EPHA6: variants seen among roughly 807,000 people sequenced by gnomAD.
EPHA6 encodes the protein EPH receptor A6, also known as ephrin type-A receptor 6.
In EPHA6, 50 loss-of-function variants were observed where a neutral mutation model predicts 112.0. That is an observed-to-expected ratio of 0.45 (90% CI 0.36 to 0.56). EPHA6 has a LOEUF of 0.56. Ranked by LOEUF, EPHA6 falls within the 20% of genes least tolerant of loss-of-function variation. The pLI is 0.00. For synonymous variants in EPHA6, 529 were observed against 490.7 expected (o/e 1.08, Z -1.03); for missense variants, 1,280 against 1,417.4 (o/e 0.90, Z 1.56).
At chr3:97,552,739 AT>A (rs1329094399) in intron 11 of EPHA6, among the ~76,000 whole-genome samples, 1 of 152,198 alleles carries the variant, frequency 6.6e-6, no homozygotes, top group Non-Finnish European at 1.5e-5. Flanking sequence ...TAATTTCCAA[AT>A]TTTGTCCATA....
chr3:97,173,703 A>G (rs2076758294), intron 3 of EPHA6, among the ~76,000 whole-genome samples: 1 of 151,814 alleles, frequency 6.6e-6, no homozygotes. Context: ...TTTAGTGTAT[A>G]GATTTATAAT....
At chr3:97,179,729 C>CTA (rs2076935271) in intron 3 of EPHA6, among the ~76,000 whole-genome samples, 3 of 149,250 alleles carry the variant, frequency 2.0e-5, no homozygotes, top group South Asian at 4.3e-4. Context: ...CTCTCTCTCT[C>CTA]TCTCTCTCTC....
intron 10 of EPHA6, among the ~76,000 whole-genome samples, chr3:97,495,604 T>C (rs776671266): frequency 1.2e-4 from 18 of 152,244 alleles, no homozygotes; most frequent in Non-Finnish European, 1.5e-4. Context: ...GTCCATGTCT[T>C]TTTCCATCTC....
At chr3:97,455,070 T>G (rs2107350921) in intron 7 of EPHA6, among the ~76,000 whole-genome samples, 1 of 152,096 alleles carries the variant, frequency 6.6e-6, no homozygotes, top group Non-Finnish European at 1.5e-5. Context: ...GCAGTTAGGT[T>G]GTCTGAATAT....
intron 2 of EPHA6, among the ~76,000 whole-genome samples, chr3:96,921,769 T>C (rs2039777703): frequency 6.6e-6 from 1 of 152,048 alleles, no homozygotes. Flanking sequence ...GGTTTCACCA[T>C]GTTGGCCAGG....
At chr3:96,882,349 T>C (rs954405264) in intron 2 of EPHA6, among the ~76,000 whole-genome samples, 4 of 152,212 alleles carry the variant, frequency 2.6e-5, no homozygotes, top group African/African-American at 7.2e-5. Context: ...AATTCTGTTT[T>C]TTATTTTATT....
At chr3:97,337,739 T>C (rs1351885443) in intron 5 of EPHA6, among the ~76,000 whole-genome samples, 2 of 152,180 alleles carry the variant, frequency 1.3e-5, no homozygotes, top group Non-Finnish European at 2.9e-5. Context: ...TATCCTCTAA[T>C]AGGGTGAGAG....
intron 2 of EPHA6, among the ~76,000 whole-genome samples, chr3:96,924,461 A>G (rs1305648518): frequency 6.6e-6 from 1 of 152,054 alleles, no homozygotes; most frequent in African/African-American, 2.4e-5. Context: ...TTGTTGGTGT[A>G]TAGGAATGCT....
intron 1 of EPHA6, among the ~76,000 whole-genome samples, chr3:96,866,394 A>ATT (rs898234489): frequency 5.3e-5 from 8 of 152,130 alleles, no homozygotes; most frequent in African/African-American, 1.9e-4. Flanking sequence ...TACTTGGCTG[A>ATT]TAATATATAA....
chr3:97,028,778 CTT>C (rs1463073813), intron 3 of EPHA6, among the ~76,000 whole-genome samples: 1 of 151,798 alleles, frequency 6.6e-6, no homozygotes, highest in Non-Finnish European at 1.5e-5. Context: ...ATTAATACAA[CTT>C]ATTAATAAAA....
At chr3:97,074,190 A>AT (rs1303425644) in intron 3 of EPHA6, among the ~76,000 whole-genome samples, 4 of 151,804 alleles carry the variant, frequency 2.6e-5, no homozygotes, top group African/African-American at 9.7e-5. Context: ...AAATTGTTTC[A>AT]TTTTTTAGTC....
intron 3 of EPHA6, among the ~76,000 whole-genome samples, chr3:97,047,175 T>A (rs2045535503): frequency 6.6e-6 from 1 of 152,026 alleles, no homozygotes. Context: ...CTAAACATAT[T>A]GATTTATTTA....
chr3:97,413,337 C>A (rs1283392759), intron 6 of EPHA6, among the ~76,000 whole-genome samples: 1 of 151,666 alleles, frequency 6.6e-6, no homozygotes, highest in African/African-American at 2.4e-5. Context: ...CATCTGTGAC[C>A]TGAGTTTTTT....
intron 1 of EPHA6, among the ~76,000 whole-genome samples, chr3:96,835,262 C>T (rs2034336832): frequency 6.6e-6 from 1 of 151,976 alleles, no homozygotes; most frequent in Admixed American, 6.6e-5. Context: ...TACAAAGAGA[C>T]AGTTGAATGT....
intron 3 of EPHA6, among the ~76,000 whole-genome samples, chr3:97,027,840 A>G (rs1446279946): frequency 6.6e-6 from 1 of 152,168 alleles, no homozygotes; most frequent in African/African-American, 2.4e-5. Context: ...AAATTATCTT[A>G]CTGATGACCT....
intron 2 of EPHA6, among the ~76,000 whole-genome samples, chr3:96,907,915 A>G (rs1196256573): frequency 2.0e-5 from 3 of 151,930 alleles, no homozygotes; most frequent in East Asian, 1.9e-4. Flanking sequence ...GTGACGGGAT[A>G]TGTTTTGAGA....
intron 3 of EPHA6, among the ~76,000 whole-genome samples, chr3:97,190,658 T>C (rs892946644): frequency 4.6e-5 from 7 of 152,070 alleles, no homozygotes; most frequent in Non-Finnish European, 8.8e-5. Flanking sequence ...GATATATGTA[T>C]AGATTGTGGA....
At chr3:97,092,201 C>G (rs1369443940) in intron 3 of EPHA6, among the ~76,000 whole-genome samples, 1 of 151,380 alleles carries the variant, frequency 6.6e-6, no homozygotes, top group Non-Finnish European at 1.5e-5. Flanking sequence ...TTTACAAATT[C>G]TTACCATATT....
At chr3:97,621,083 G>A (rs145203199) in intron 13 of EPHA6, among the ~76,000 whole-genome samples, 59 of 151,978 alleles carry the variant, frequency 3.9e-4, no homozygotes, top group Middle Eastern at 3.4e-3. Context: ...CTATGCAGTC[G>A]TGAAAAATAA....
Sources: allele counts gnomAD v4.1 joint callset (sites outside exome capture counted in the v4.1 genomes callset), GRCh38; gene constraint gnomAD v4.1.1; transcripts MANE v1.5; gene names NCBI Gene and HGNC (gene_info 2026-07-23, HGNC 2026-07-21).